Variants in PLEKHH1 observed in about 807,000 individuals in gnomAD.
PLEKHH1 encodes the protein pleckstrin homology domain-containing family H member 1.
Under a neutral mutation model 160.0 loss-of-function variants are expected in PLEKHH1, and 104 were observed. The observed-to-expected ratio is 0.65, with a 90% CI of 0.55 to 0.76. The LOEUF (loss-of-function observed/expected upper bound fraction) is 0.76, where lower values mean the gene tolerates loss of function less well. PLEKHH1 is among the 30% of genes least tolerant of loss of function. The pLI is 0.00. For synonymous variants in PLEKHH1, 619 were observed against 678.4 expected, an observed-to-expected ratio of 0.91 and a Z score of 1.36; for missense variants, 1,427 against 1,724.1, an observed-to-expected ratio of 0.83 and a Z score of 3.05.
At chr14:67,534,164 A>G (rs545190706) in intron 1 of PLEKHH1, among the ~76,000 whole-genome samples, 10 of 152,342 alleles carry the variant, frequency 6.6e-5, no homozygotes, top group South Asian at 6.2e-4. Flanking sequence ...ACTGTCTTCT[A>G]TGTGACAGAC....
At chr14:67,559,545 C>G in intron 4 of PLEKHH1, 63 bp from the exon 5 acceptor site, 1 of 1,193,732 alleles carries the variant, frequency 8.4e-7, no homozygotes, top group Admixed American at 2.0e-5. Flanking sequence ...GGGTTTCCCA[C>G]CTCCAGTCAG....
At chr14:67,540,426 G>A (rs756842896) in intron 1 of PLEKHH1, among the ~76,000 whole-genome samples, 2 of 152,038 alleles carry the variant, frequency 1.3e-5, no homozygotes, top group Non-Finnish European at 2.9e-5. Flanking sequence ...AGGAGTTCAA[G>A]ACCAGCCTGG....
At chr14:67,585,532 A>T in intron 26 of PLEKHH1, 36 bp from the exon 27 acceptor site, 1 of 1,353,988 alleles carries the variant, frequency 7.4e-7, no homozygotes, top group Non-Finnish European at 1.0e-6. Flanking sequence ...ATCTCTAACT[A>T]TGGATATATC....
Position 67,574,134 on chromosome 14 carries a change from C to G in PLEKHH1, c.1927-108C>G, listed in dbSNP as rs2035513450. ...AGAAAGGAGGGAGCACTAGGGCAGGCAGAAGGCCAGCCCCTTGGGTTCAGG... is the reference window on the plus strand; with the variant it reads ...AGAAAGGAGGGAGCACTAGGGCAGGGAGAAGGCCAGCCCCTTGGGTTCAGG... On this transcript the variant is annotated intron_variant, in intron 13 of 28. Transcript: ENST00000329153. The surrounding 1 kb of genome is among the most constrained non-coding windows in gnomAD (Gnocchi z 4.2). 2 of 989,194 alleles carry G rather than the reference C, an allele frequency of 2.0e-6. 1 individual carries two copies. The highest frequency in any genetic ancestry group is 4.3e-4 in the Middle Eastern group (2 of 4,636). 61.3% of individuals were successfully genotyped at this position (989,194 alleles called of 1,614,324 possible). A position where few individuals can be genotyped will look rare whatever the true frequency, so the allele number is the denominator to read the frequency against.
chr14:67,559,052 A>C (rs2034712386), intron 4 of PLEKHH1, among the ~76,000 whole-genome samples: 1 of 152,216 alleles, frequency 6.6e-6, no homozygotes. Context: ...AAATACTGAG[A>C]GTCTGACGTT....
Position 67,536,848 on chromosome 14 carries a change from C to G in PLEKHH1, c.-35+3450C>G, listed in dbSNP as rs1262205033. Among the ~76,000 whole-genome samples the G allele has an allele frequency of 2.0e-5, 3 of 151,792 alleles. 1 individual carries two copies. Among genetic ancestry groups the G allele is most frequent in the African/African-American group, 7.3e-5 (3 of 41,056 alleles). On this transcript the variant is annotated intron_variant, in intron 1 of 28. Coordinates refer to ENST00000329153, the MANE Select transcript of PLEKHH1 (RefSeq NM_020715.3). ...ACCTGAGGTCAGGAGTTTGACCAGA[C>G]TGGCCAACATGGTGAAACCCTGTCT...
rs1270426893 is a variant in PLEKHH1, at chr14:67,575,900, T to C, written c.2247T>C (p.Tyr749=). ...VDRSCDSDED[Y]EAGGTRRLLS... is the part of the protein sequence containing the mutation. ...GATCCTGTGACTCAGACGAGGACTA[T>C]GAGGCTGGAGGAACCAGACGGTTGC... is the stretch of plus-strand genomic sequence containing the variant. The change falls in exon 16 of 29, where the codon TAT becomes TAC. Residue 749 remains tyrosine (Y), a synonymous_variant. Coordinates refer to ENST00000329153, the MANE Select transcript of PLEKHH1 (RefSeq NM_020715.3). 6 of 1,613,988 alleles carry C rather than the reference T, an allele frequency of 3.7e-6. No individual in the cohort carries two copies. The South Asian group carries it at 6.6e-5, about 18-fold the overall frequency.
Position 67,577,369 on chromosome 14 carries a change from C to T in PLEKHH1, c.2529C>T (p.Thr843=). 3 of 1,592,228 alleles carry T rather than the reference C, an allele frequency of 1.9e-6. No homozygotes were observed. Among genetic ancestry groups the T allele is most frequent in the Non-Finnish European group, 2.6e-6 (3 of 1,169,836 alleles). The change falls in exon 18 of 29, where the codon ACC becomes ACT. Residue 843 remains threonine, a synonymous_variant. Coordinates refer to ENST00000329153, the MANE Select transcript of PLEKHH1 (RefSeq NM_020715.3). ...SKDGLYASLT[T]LPSEALQTEA... ...ACGGCCTATACGCCTCCCTCACCACCCTGCCCTCTGAGGCCTTGCAGACGG... is the reference window on the plus strand; with the variant it reads ...ACGGCCTATACGCCTCCCTCACCACTCTGCCCTCTGAGGCCTTGCAGACGG...
At chr14:67,556,849 G>A (rs544787105) in intron 3 of PLEKHH1, among the ~76,000 whole-genome samples, 28 of 152,330 alleles carry the variant, frequency 1.8e-4, no homozygotes, top group Non-Finnish European at 3.1e-4. Flanking sequence ...GAAGGGTTGA[G>A]AAATATGGGT....
chr14:67,540,854 C>T (rs770033021), intron 1 of PLEKHH1, among the ~76,000 whole-genome samples: 12 of 152,166 alleles, frequency 7.9e-5, no homozygotes, highest in Non-Finnish European at 1.8e-4. Flanking sequence ...CTCTCATGCA[C>T]ACTCATGCAT....
intron 7 of PLEKHH1, 74 bp from the exon 8 acceptor site, chr14:67,569,064 T>C: frequency 9.6e-7 from 1 of 1,046,728 alleles, no homozygotes; most frequent in Non-Finnish European, 1.5e-6. Flanking sequence ...GCCATGCTTT[T>C]TCCTGCACAT....
chr14:67,541,753 G>T, intron 1 of PLEKHH1, 81 bp from the exon 2 acceptor site: 2 of 924,224 alleles, frequency 2.2e-6, no homozygotes, highest in Non-Finnish European at 3.1e-6. Flanking sequence ...TCTGTCCTTT[G>T]GTCCCCTCCC....
At chr14:67,577,944 T>C (rs1293481873) in intron 18 of PLEKHH1, 79 bp from the exon 19 acceptor site, 14 of 1,381,022 alleles carry the variant, frequency 1.0e-5, no homozygotes, top group African/African-American at 1.4e-5. Context: ...CCTGGAGCCC[T>C]TGGAAAATGG....
In PLEKHH1 at chr14:67,582,304, T is replaced by C; in HGVS notation, c.3426+94T>C. On this transcript the variant is annotated intron_variant, in intron 24 of 28. Transcript: ENST00000329153. This position sits in a 1 kb window ranked among gnomAD's most constrained non-coding sequence, Gnocchi z 5.0. Reference sequence around the variant, plus strand: ...AACACAGGAGAGATTCTGCAGATCCTGTGGTGCTCAGGAGAGGGCAGCTTT... The same window carrying C: ...AACACAGGAGAGATTCTGCAGATCCCGTGGTGCTCAGGAGAGGGCAGCTTT... 1 of 1,591,512 alleles carries C rather than the reference T, an allele frequency of 6.3e-7. No homozygotes were observed. Among genetic ancestry groups the C allele is most frequent in the Non-Finnish European group, 8.6e-7 (1 of 1,169,576 alleles).
chr14:67,580,856 T>C (rs1021666432), intron 22 of PLEKHH1, 82 bp from the exon 23 acceptor site: 12 of 895,320 alleles, frequency 1.3e-5, no homozygotes, highest in Non-Finnish European at 2.0e-5. Context: ...GCTCTTCTGC[T>C]CTGAGTCCAG....
intron 2 of PLEKHH1, among the ~76,000 whole-genome samples, chr14:67,545,930 C>G (rs900229159): frequency 2.0e-5 from 3 of 149,892 alleles, no homozygotes; most frequent in African/African-American, 7.4e-5. Flanking sequence ...TTCAATTGAA[C>G]AAAAGCTCTG....
intron 2 of PLEKHH1, among the ~76,000 whole-genome samples, chr14:67,549,347 T>C (rs2034304096): frequency 6.6e-6 from 1 of 151,974 alleles, no homozygotes; most frequent in Non-Finnish European, 1.5e-5. Context: ...CTCAGCTCAC[T>C]GCAACCTCCG....
intron 2 of PLEKHH1, among the ~76,000 whole-genome samples, chr14:67,550,480 C>T (rs998801747): frequency 6.6e-6 from 1 of 152,168 alleles, no homozygotes; most frequent in African/African-American, 2.4e-5. Flanking sequence ...TGCACCACCG[C>T]GCCCAGCCAA....
chr14:67,564,782 G>A (rs768551442), intron 7 of PLEKHH1, among the ~76,000 whole-genome samples: 8 of 150,756 alleles, frequency 5.3e-5, no homozygotes, highest in South Asian at 2.1e-4. Flanking sequence ...TCAACTTCCC[G>A]GGCTCAAGCA....
Sources: allele counts gnomAD v4.1 joint callset (sites outside exome capture counted in the v4.1 genomes callset), GRCh38; gene constraint gnomAD v4.1.1; non-coding constraint Gnocchi (gnomAD v3.1); transcripts MANE v1.5; gene names NCBI Gene and HGNC (gene_info 2026-07-23, HGNC 2026-07-21).